Variants in C11orf97 observed in about 807,000 individuals in gnomAD.
C11orf97 encodes the protein uncharacterized protein C11orf97.
A neutral mutation model predicts 16.2 loss-of-function variants in C11orf97; 15 were observed. That is an observed-to-expected ratio of 0.93 (90% CI 0.62 to 1.43). The LOEUF is 1.43. Among genes scored for constraint, C11orf97 ranks in the 40% most tolerant of loss-of-function variants. The pLI, the probability that C11orf97 is intolerant of heterozygous loss-of-function variation, is 0.00. For synonymous variants in C11orf97, 61 were observed against 65.7 expected (o/e 0.93, Z 0.34); for missense variants, 171 against 161.2 (o/e 1.06, Z -0.33).
chr11:94,528,358 T>C (rs1947714744), intron 3 of C11orf97, 149 bp downstream of exon 3: 3 of 711,374 alleles, frequency 4.2e-6, no homozygotes, highest in Non-Finnish European at 6.3e-6. Context: ...AGTTTGGCCA[T>C]ATTATGTGAT....
At chr11:94,530,840 C>T (rs1947733086) in intron 3 of C11orf97, among the ~76,000 whole-genome samples, 1 of 152,168 alleles carries the variant, frequency 6.6e-6, no homozygotes, top group African/African-American at 2.4e-5. Flanking sequence ...TGAAACGTTG[C>T]ATATATTTTA....
At chr11:94,521,095 T>A (rs1947654176) in intron 2 of C11orf97, among the ~76,000 whole-genome samples, 1 of 152,166 alleles carries the variant, frequency 6.6e-6, no homozygotes, top group Non-Finnish European at 1.5e-5. Context: ...TCCTCTCTCT[T>A]CATTCAGGCT....
At chr11:94,515,253 AAAT>A (rs1052439876) in intron 1 of C11orf97, among the ~76,000 whole-genome samples, 2 of 152,290 alleles carry the variant, frequency 1.3e-5, no homozygotes, top group South Asian at 2.1e-4. Context: ...TGAGAAAGAG[AAAT>A]AATAATATAT....
chr11:94,517,729 T>A, intron 2 of C11orf97, 42 bp downstream of exon 2: 2 of 1,286,236 alleles, frequency 1.6e-6, no homozygotes, highest in Non-Finnish European at 2.1e-6. Context: ...GAAATGAATA[T>A]GAAATTGCCT....
rs143632323 is a variant in C11orf97 at position 94,525,394 on chromosome 11, G to A, written c.251-2690G>A. The stretch of plus-strand genomic sequence containing the variant: ...TACATTAATGAGTGTCTACATGTGC[G>A]TTAATACATGTAAACTTAATTTTGA... On this transcript the variant is annotated intron_variant, in intron 2 of 3. Transcript: ENST00000542198. 1.5e-3 allele frequency among the ~76,000 whole-genome samples: 227 copies of A among 152,250 alleles called. 1 individual carries two copies. Among genetic ancestry groups the A allele is most frequent in the African/African-American group, 4.7e-3 (194 of 41,562 alleles).
chr11:94,527,243 A>G (rs1462625117), intron 2 of C11orf97, among the ~76,000 whole-genome samples: 2 of 152,188 alleles, frequency 1.3e-5, no homozygotes, highest in Non-Finnish European at 2.9e-5. Flanking sequence ...GGGATCAAAT[A>G]TCAGTGAGGA....
chr11:94,513,716 C>T (rs1304481803), intron 1 of C11orf97, among the ~76,000 whole-genome samples: 1 of 152,218 alleles, frequency 6.6e-6, no homozygotes, highest in Non-Finnish European at 1.5e-5. Context: ...AAATGTCATT[C>T]CTTTTGTTAT....
chr11:94,530,805 C>T (rs1436980734), intron 3 of C11orf97, among the ~76,000 whole-genome samples: 3 of 152,302 alleles, frequency 2.0e-5, no homozygotes, highest in South Asian at 2.1e-4. Context: ...AGCAATGCAA[C>T]CTACTTTCTT....
intron 2 of C11orf97, among the ~76,000 whole-genome samples, chr11:94,525,683 T>C (rs2135183603): frequency 6.6e-6 from 1 of 152,360 alleles, no homozygotes; most frequent in Non-Finnish European, 1.5e-5. Context: ...TTAAAATTAC[T>C]TATATTTTTC....
intron 1 of C11orf97, 87 bp downstream of exon 1, chr11:94,512,760 C>G (rs892882860): frequency 2.6e-5 from 31 of 1,214,576 alleles, no homozygotes; most frequent in Non-Finnish European, 3.1e-5. Flanking sequence ...CGCAGTGGGA[C>G]TGGCTGAGAA....
intron 2 of C11orf97, among the ~76,000 whole-genome samples, chr11:94,525,865 T>TATAAG (rs1947696992): frequency 6.6e-6 from 1 of 152,220 alleles, no homozygotes; most frequent in African/African-American, 2.4e-5. Flanking sequence ...GGCCAGGTCC[T>TATAAG]ACTGGCTAAA....
At chr11:94,514,212 C>T (rs1480267282) in intron 1 of C11orf97, among the ~76,000 whole-genome samples, 1 of 151,968 alleles carries the variant, frequency 6.6e-6, no homozygotes, top group East Asian at 1.9e-4. Flanking sequence ...TTAACATTCA[C>T]TCATCAATTT....
At chr11:94,524,823 A>T (rs1947686927) in intron 2 of C11orf97, among the ~76,000 whole-genome samples, 4 of 152,112 alleles carry the variant, frequency 2.6e-5, no homozygotes, top group African/African-American at 9.7e-5. Context: ...CTTTGGGAGG[A>T]CAAGGCAGGC....
At chr11:94,520,170 A>C (rs1441121766) in intron 2 of C11orf97, among the ~76,000 whole-genome samples, 1 of 152,212 alleles carries the variant, frequency 6.6e-6, no homozygotes, top group Non-Finnish European at 1.5e-5. Context: ...GTTCTTTCCA[A>C]GATTGCAAAT....
At chr11:94,521,630 A>G (rs1591747923) in intron 2 of C11orf97, among the ~76,000 whole-genome samples, 3 of 152,216 alleles carry the variant, frequency 2.0e-5, no homozygotes, top group African/African-American at 7.2e-5. Context: ...CTCTCCCACT[A>G]GAACACAAGC....
At chr11:94,523,274 A>G (rs1428686430) in intron 2 of C11orf97, among the ~76,000 whole-genome samples, 1 of 152,192 alleles carries the variant, frequency 6.6e-6, no homozygotes, top group Non-Finnish European at 1.5e-5. Flanking sequence ...GATATTCCCA[A>G]GCCTGTCTAA....
chr11:94,522,013 C>T (rs1205138694), intron 2 of C11orf97, among the ~76,000 whole-genome samples: 3 of 152,202 alleles, frequency 2.0e-5, no homozygotes, highest in Non-Finnish European at 4.4e-5. Context: ...CTTTCTCATC[C>T]TCTGTTAAGC....
chr11:94,526,853 C>T (rs1238192534), intron 2 of C11orf97, among the ~76,000 whole-genome samples: 2 of 152,184 alleles, frequency 1.3e-5, no homozygotes, highest in Non-Finnish European at 2.9e-5. Flanking sequence ...TGACAGATAG[C>T]TTCAGCTACT....
At position 94,512,520 on chromosome 11, in the gene C11orf97, C is replaced by T. The variant is rs1286032484; in HGVS notation, c.-9C>T. On this transcript the variant is annotated 5_prime_UTR_variant, in exon 1 of 4. Transcript: ENST00000542198. ...ACCGTGCCCAGGGCTCTCGGAAGACCGCTGCGGCATGACAGGCGAGGAGGC... is the reference window on the plus strand; with the variant it reads ...ACCGTGCCCAGGGCTCTCGGAAGACTGCTGCGGCATGACAGGCGAGGAGGC... 3 of 1,299,112 alleles carry T rather than the reference C, an allele frequency of 2.3e-6. No individual in the cohort carries two copies. Among genetic ancestry groups the T allele is most frequent in the African/African-American group, 1.5e-5 (1 of 65,262 alleles). 80.5% of individuals were successfully genotyped at this position (1,299,112 alleles called of 1,614,324 possible). A position where few individuals can be genotyped will look rare whatever the true frequency, so the allele number is the denominator to read the frequency against.
Sources: gnomAD v4.1 joint callset for allele counts (sites outside exome capture counted in the v4.1 genomes callset) on GRCh38, gnomAD v4.1.1 for gene constraint, MANE v1.5 for transcripts, NCBI Gene and HGNC (gene_info 2026-07-23, HGNC 2026-07-21) for gene names.